DYNC1I1: variants seen among roughly 807,000 people sequenced by gnomAD.
The protein encoded by DYNC1I1 is dynein cytoplasmic 1 intermediate chain 1.
A neutral mutation model predicts 86.6 loss-of-function variants in DYNC1I1; 43 were observed. That is an observed-to-expected ratio of 0.50 (90% CI 0.39 to 0.64). The LOEUF is 0.64. Ranked by LOEUF, DYNC1I1 falls within the 30% of genes least tolerant of loss-of-function variation. DYNC1I1 has a pLI of 0.00. For missense variants in DYNC1I1, 604 were observed against 788.8 expected, an observed-to-expected ratio of 0.77 and a Z score of 2.81; for synonymous variants, 262 against 283.7, an observed-to-expected ratio of 0.92 and a Z score of 0.77.
intron 6 of DYNC1I1, among the ~76,000 whole-genome samples, chr7:95,968,822 CTCTGTGTG>C (rs370760618): frequency 0.078 from 10,442 of 133,518 alleles, 540 homozygotes; most frequent in African/African-American, 0.14. Context: ...GAATTTTTTG[CTCTGTGTG>C]TGTGTGTGTG....
At chr7:95,952,919 T>C (rs1231148272) in intron 6 of DYNC1I1, among the ~76,000 whole-genome samples, 1 of 151,872 alleles carries the variant, frequency 6.6e-6, no homozygotes, top group Non-Finnish European at 1.5e-5. Context: ...ACCTTCAGGG[T>C]CTGCCTGTCC....
chr7:95,804,788 A>T lies in DYNC1I1; in HGVS notation c.59A>T (p.Gln20Leu). The T allele has an allele frequency of 1.3e-6, 2 of 1,587,074 alleles. No individual in the cohort carries two copies. The highest frequency in any genetic ancestry group is 1.7e-6 in the Non-Finnish European group (2 of 1,164,932). ...GAGCGCAAAAAGCAGCGCTTAGCAC[A>T]GATAAGAGAAGAGAAGAAACGGAAG... is the stretch of plus-strand genomic sequence containing the variant. Reference protein sequence around the residue: ...ELERKKQRLAQIREEKKRKEE... With the variant: ...ELERKKQRLALIREEKKRKEE... Residue 20 changes from glutamine (Q) to leucine (L), a missense_variant, in exon 2 of 17, where the codon CAG (glutamine) becomes CTG (leucine). Transcript: ENST00000447467.
Position 95,804,342 on chromosome 7 carries a change from C to G in DYNC1I1, c.-9-379C>G, listed in dbSNP as rs952225774. ...TTTCTCAGTGTGGGGATGAATTGCT[C>G]CATTATCATCTAAATTGGAAGTCAT... On this transcript the variant is annotated intron_variant, in intron 1 of 16. Coordinates refer to ENST00000447467, the MANE Select transcript of DYNC1I1 (RefSeq NM_001135556.2). 3 of 1,274,108 alleles carry G rather than the reference C, an allele frequency of 2.4e-6. No individual in the cohort carries two copies. The African/African-American group carries it at 4.6e-5, about 20-fold the overall frequency. The allele number at this position is 1,274,108 out of a possible 1,614,324, so 78.9% of individuals were successfully genotyped here.
chr7:95,788,424 G>A (rs1310326543), intron 1 of DYNC1I1, among the ~76,000 whole-genome samples: 1 of 152,190 alleles, frequency 6.6e-6, no homozygotes, highest in Non-Finnish European at 1.5e-5. Context: ...GTAGCTGGAA[G>A]CAGTTGCCTT....
intron 2 of DYNC1I1, among the ~76,000 whole-genome samples, chr7:95,808,780 A>G (rs1406812301): frequency 6.6e-6 from 1 of 152,186 alleles, no homozygotes; most frequent in Non-Finnish European, 1.5e-5. Context: ...CACCAACAGA[A>G]ATATAACTTG....
chr7:95,883,120 A>C (rs1790498773), intron 6 of DYNC1I1, among the ~76,000 whole-genome samples: 1 of 152,116 alleles, frequency 6.6e-6, no homozygotes. Context: ...TATTAATAGC[A>C]CCTTTTATCA....
At chr7:96,065,079 G>A (rs187283485) in intron 14 of DYNC1I1, among the ~76,000 whole-genome samples, 120 of 152,210 alleles carry the variant, frequency 7.9e-4, no homozygotes, top group African/African-American at 2.5e-3. Flanking sequence ...AAGAATCAGC[G>A]TGCACCCACA....
chr7:96,086,704 AAAAG>A (rs1475696978), intron 16 of DYNC1I1, among the ~76,000 whole-genome samples: 2 of 152,212 alleles, frequency 1.3e-5, no homozygotes, highest in African/African-American at 4.8e-5. Context: ...AAATTCTTGG[AAAAG>A]AAAGATGTGG....
chr7:95,979,358 G>A (rs1054489731), intron 7 of DYNC1I1, among the ~76,000 whole-genome samples: 1 of 152,116 alleles, frequency 6.6e-6, no homozygotes, highest in African/African-American at 2.4e-5. Flanking sequence ...CTGGCAAACA[G>A]GTTTTTAAAA....
chr7:96,031,047 G>A (rs946563726), intron 11 of DYNC1I1, among the ~76,000 whole-genome samples: 6 of 152,110 alleles, frequency 3.9e-5, no homozygotes, highest in Non-Finnish European at 7.4e-5. Context: ...TCAGCACGGG[G>A]GAAAGAGGTG....
At chr7:96,015,334 G>C (rs1794374423) in intron 10 of DYNC1I1, among the ~76,000 whole-genome samples, 1 of 152,000 alleles carries the variant, frequency 6.6e-6, no homozygotes, top group South Asian at 2.1e-4. Context: ...TGAAGAACAT[G>C]GTTCAGAATA....
chr7:96,057,850 A>G (rs1789628767), intron 14 of DYNC1I1, among the ~76,000 whole-genome samples: 2 of 152,166 alleles, frequency 1.3e-5, no homozygotes, highest in Non-Finnish European at 1.5e-5. Context: ...ATTTCTGGCA[A>G]CAATTATAGG....
In DYNC1I1 at chr7:95,953,800, A is replaced by G. The variant is rs577202988; in HGVS notation, c.491-23712A>G. Among the ~76,000 whole-genome samples, 11 of 152,332 alleles carry G rather than the reference A, an allele frequency of 7.2e-5. No individual in the cohort carries two copies. In the South Asian group the frequency reaches 2.3e-3, roughly 32 times the overall value. ...CACTAAATCAAGGCAAAGTTTGTGA[A>G]AAGCCTGTGGCTGGGGTCTCCAACT... On this transcript the variant is annotated intron_variant, in intron 6 of 16. Coordinates refer to ENST00000447467, the MANE Select transcript of DYNC1I1 (RefSeq NM_001135556.2).
chr7:95,841,914 G>T (rs1789294037), intron 5 of DYNC1I1, among the ~76,000 whole-genome samples: 2 of 152,216 alleles, frequency 1.3e-5, no homozygotes, highest in South Asian at 4.1e-4. Context: ...ATGCTTGAGT[G>T]CCTGTTTAAA....
intron 10 of DYNC1I1, among the ~76,000 whole-genome samples, chr7:96,003,275 C>G (rs1361414058): frequency 6.6e-6 from 1 of 152,142 alleles, no homozygotes; most frequent in African/African-American, 2.4e-5. Context: ...CACTGATGGC[C>G]CCATGCCCCA....
rs532989509 is a variant in DYNC1I1 at position 96,078,132 on chromosome 7, G to C, written c.1650+1935G>C. ...CTTAAAAAAATCTGAATTATCAGTA[G>C]AGCAGTATGTTTGGTTGTTGTTTTT... On this transcript the variant is annotated intron_variant, in intron 15 of 16. Transcript: ENST00000447467. Among the ~76,000 whole-genome samples, 13 of 152,242 alleles carry C rather than the reference G, an allele frequency of 8.5e-5. No homozygotes were observed. In the East Asian group the frequency reaches 2.3e-3, roughly 27 times the overall value.
At position 95,830,939 on chromosome 7, in the gene DYNC1I1, G is replaced by A. The variant is rs116859252; in HGVS notation, c.374+2823G>A. 6.4e-3 allele frequency among the ~76,000 whole-genome samples: 972 copies of A among 152,080 alleles called. 21 individuals carry two copies. The highest frequency in any genetic ancestry group is 0.03 in the East Asian group (153 of 5,160). ...AAGAAGTATAGTGGTATTTCATTGT[G>A]GTTTTAATTTGCATTTCCCTAATGA... On this transcript the variant is annotated intron_variant, in intron 5 of 16. Coordinates refer to ENST00000447467, the MANE Select transcript of DYNC1I1 (RefSeq NM_001135556.2).
chr7:96,047,374 G>A (rs1363920906), intron 14 of DYNC1I1, among the ~76,000 whole-genome samples: 1 of 152,184 alleles, frequency 6.6e-6, no homozygotes, highest in East Asian at 1.9e-4. Context: ...TATTCCAAAG[G>A]TGAACATTAT....
intron 5 of DYNC1I1, among the ~76,000 whole-genome samples, chr7:95,865,944 A>G (rs947196357): frequency 6.6e-6 from 1 of 152,184 alleles, no homozygotes; most frequent in Admixed American, 6.5e-5. Context: ...CTATGGCAGC[A>G]GTATCTGGGT....
Sources: allele counts gnomAD v4.1 joint callset (sites outside exome capture counted in the v4.1 genomes callset), GRCh38; gene constraint gnomAD v4.1.1; transcripts MANE v1.5; gene names NCBI Gene and HGNC (gene_info 2026-07-23, HGNC 2026-07-21).